Variants in DNAH11 observed in about 807,000 individuals in gnomAD.
The protein encoded by DNAH11 is axonemal beta dynein heavy chain 11.
A neutral mutation model predicts 526.0 loss-of-function variants in DNAH11; 442 were observed. The ratio of observed to expected loss-of-function variants is 0.84; its 90% CI spans 0.78 to 0.91. The LOEUF (loss-of-function observed/expected upper bound fraction) is 0.91, where lower values mean the gene tolerates loss of function less well. DNAH11 is among the 40% of genes least tolerant of loss of function. The probability of loss-of-function intolerance (pLI) is 0.00; values close to 1 mark genes in which losing one functional copy is unlikely to be tolerated. For missense variants in DNAH11, 6,989 were observed against 5,448.7 expected, an observed-to-expected ratio of 1.28 and a Z score of -8.90; for synonymous variants, 2,461 against 1,935.9, an observed-to-expected ratio of 1.27 and a Z score of -7.12.
At chr7:21,766,151 C>T (rs979873642) in intron 55 of DNAH11, among the ~76,000 whole-genome samples, 4 of 152,038 alleles carry the variant, frequency 2.6e-5, no homozygotes, top group African/African-American at 9.7e-5. Flanking sequence ...GTCATTTCTT[C>T]ATGATGACAA....
At chr7:21,758,450 A>G (rs1475215552) in intron 54 of DNAH11, among the ~76,000 whole-genome samples, 1 of 152,200 alleles carries the variant, frequency 6.6e-6, no homozygotes, top group Non-Finnish European at 1.5e-5. Flanking sequence ...ATCATTCAGC[A>G]AATATGTACT....
intron 54 of DNAH11, among the ~76,000 whole-genome samples, chr7:21,752,560 A>G (rs1786459790): frequency 6.6e-6 from 1 of 152,124 alleles, no homozygotes; most frequent in Admixed American, 6.5e-5. Flanking sequence ...CTTATGGCAC[A>G]TGTTTGTTTA....
At chr7:21,819,520 T>C (rs1474037555) in intron 65 of DNAH11, among the ~76,000 whole-genome samples, 1 of 152,200 alleles carries the variant, frequency 6.6e-6, no homozygotes, top group African/African-American at 2.4e-5. Flanking sequence ...GTTAAAAATA[T>C]AGTGTAAAAT....
chr7:21,571,375 G>A (rs1240900181), intron 7 of DNAH11, among the ~76,000 whole-genome samples: 2 of 152,114 alleles, frequency 1.3e-5, no homozygotes, highest in African/African-American at 4.8e-5. Flanking sequence ...TGACCTCCTG[G>A]ATCAAGTGAT....
rs1289254168 is a variant in DNAH11, at chr7:21,638,944, C to G, written c.4823C>G (p.Ser1608Cys). ...EKLKDLQSRL[S>C]LCEKALAEYL... ...AACATTTTTCATTCATGTAGGCTTT[C>G]TCTTTGTGAAAAAGCTCTCGCTGAA... The change falls in exon 28 of 82, where the codon TCT becomes TGT. Residue 1608 changes from serine (S) to cysteine (C), a missense_variant. By Grantham distance (112) the Ser-to-Cys change is moderately radical. Coordinates refer to ENST00000409508, the MANE Select transcript of DNAH11 (RefSeq NM_001277115.2). The G allele has an allele frequency of 1.2e-5, 19 of 1,606,314 alleles. No homozygotes were observed. The highest frequency in any genetic ancestry group is 1.6e-5 in the Non-Finnish European group (19 of 1,177,560).
In DNAH11 at chr7:21,854,445, T is replaced by C. The variant is rs979009893; in HGVS notation, c.11192T>C (p.Phe3731Ser). The part of the protein sequence containing the change: ...DLQKINPLYQ[F>S]SLKAFNVLFH... ...CAAAAAATCAACCCCCTCTACCAAT[T>C]CTCTTTGAAGGTAATGCTGAATGAG... Residue 3731 changes from phenylalanine to serine, a missense_variant, in exon 68 of 82, where the codon TTC becomes TCC. By Grantham distance (155) the Phe-to-Ser change is radical. Transcript: ENST00000409508. 3 of 1,613,544 alleles carry C rather than the reference T, an allele frequency of 1.9e-6. No individual in the cohort carries two copies. In the African/African-American group the frequency reaches 4.0e-5, roughly 22 times the overall value.
chr7:21,812,700 A>C (rs916709426), intron 63 of DNAH11, among the ~76,000 whole-genome samples: 2 of 152,054 alleles, frequency 1.3e-5, no homozygotes, highest in African/African-American at 4.8e-5. Flanking sequence ...GAGGAAAATG[A>C]ACTCTTTCCA....
At position 21,735,581 on chromosome 7, in the gene DNAH11, C is replaced by G. The variant is rs1194296379; in HGVS notation, c.7441-59C>G. 2.7e-6 allele frequency: 4 copies of G among 1,481,732 alleles called. No homozygotes were observed. In the South Asian group the frequency reaches 3.8e-5, roughly 14 times the overall value. 91.8% of individuals were successfully genotyped at this position (1,481,732 alleles called of 1,614,324 possible). ...TGATATAAAATTTTGGAATGCCTCT[C>G]TCTCGCACGCACTCTCTCTCTCTTT... On this transcript the variant is annotated intron_variant, in intron 45 of 81. Coordinates refer to ENST00000409508, the MANE Select transcript of DNAH11 (RefSeq NM_001277115.2).
intron 35 of DNAH11, among the ~76,000 whole-genome samples, chr7:21,695,363 C>G (rs761235956): frequency 6.6e-6 from 1 of 152,254 alleles, no homozygotes; most frequent in African/African-American, 2.4e-5. Context: ...GCTGCAGTAT[C>G]CAAAACAGCA....
chr7:21,897,192 CTT>C (rs1784546751), intron 79 of DNAH11, among the ~76,000 whole-genome samples: 1 of 151,982 alleles, frequency 6.6e-6, no homozygotes, highest in Admixed American at 6.6e-5. Context: ...CTGTTATTCT[CTT>C]TTCCTGAGAA....
intron 2 of DNAH11, among the ~76,000 whole-genome samples, chr7:21,556,616 G>T (rs1783226659): frequency 6.6e-6 from 1 of 152,138 alleles, no homozygotes; most frequent in African/African-American, 2.4e-5. Context: ...CAGAGAGTTT[G>T]TTACCCAGGT....
chr7:21,815,061 C>G (rs6461603), intron 63 of DNAH11, among the ~76,000 whole-genome samples: 1 of 151,862 alleles, frequency 6.6e-6, no homozygotes, highest in Non-Finnish European at 1.5e-5. Context: ...TTTATTTCCC[C>G]TACTGAGCAG....
Position 21,698,087 on chromosome 7 carries a change from G to T in DNAH11, c.6054G>T (p.Met2018Ile). 1 of 1,612,428 alleles carries T rather than the reference G, an allele frequency of 6.2e-7. No individual in the cohort carries two copies. Among genetic ancestry groups the T allele is most frequent in the Non-Finnish European group, 8.5e-7 (1 of 1,179,366 alleles). The change falls in exon 36 of 82, where the codon ATG becomes ATT. Residue 2018 changes from methionine (M) to isoleucine (I), a missense_variant. Coordinates refer to ENST00000409508, the MANE Select transcript of DNAH11 (RefSeq NM_001277115.2). Reference sequence around the variant, plus strand: ...ATTTACTTTTTAGACCCTGTGCCATGGTGGCCCCTGACATTGAGCTAATCT... The same window carrying T: ...ATTTACTTTTTAGACCCTGTGCCATTGTGGCCCCTGACATTGAGCTAATCT... ...NLKALFRPCA[M>I]VAPDIELICE...
chr7:21,840,310 T>A (rs1188817904), intron 65 of DNAH11, among the ~76,000 whole-genome samples: 1 of 152,250 alleles, frequency 6.6e-6, no homozygotes, highest in Non-Finnish European at 1.5e-5. Flanking sequence ...TGGAAGTCAA[T>A]GAGATAGGCA....
At chr7:21,647,286 G>T (rs1787397322) in intron 28 of DNAH11, among the ~76,000 whole-genome samples, 1 of 152,074 alleles carries the variant, frequency 6.6e-6, no homozygotes, top group South Asian at 2.1e-4. Context: ...AAATTGCTCA[G>T]ATTGGTCAAA....
intron 42 of DNAH11, 123 bp from the exon 43 acceptor site, chr7:21,717,652 A>G (rs1784716503): frequency 1.8e-6 from 2 of 1,113,636 alleles, no homozygotes; most frequent in Middle Eastern, 2.6e-4. Context: ...AATAGAACGA[A>G]CTCACTAAAC....
intron 54 of DNAH11, among the ~76,000 whole-genome samples, chr7:21,764,953 C>A (rs1484780579): frequency 6.6e-6 from 1 of 151,984 alleles, no homozygotes; most frequent in African/African-American, 2.4e-5. Flanking sequence ...AGATGTATTT[C>A]ATTTTAAATG....
At chr7:21,719,598 C>G (rs942587112) in intron 43 of DNAH11, among the ~76,000 whole-genome samples, 40 of 152,204 alleles carry the variant, frequency 2.6e-4, no homozygotes, top group African/African-American at 9.2e-4. Context: ...TTCTTAATAG[C>G]AAATTGGTGA....
At chr7:21,572,312 T>C (rs1187107079) in intron 8 of DNAH11, among the ~76,000 whole-genome samples, 1 of 152,232 alleles carries the variant, frequency 6.6e-6, no homozygotes, top group Non-Finnish European at 1.5e-5. Context: ...TTTTCTTGAA[T>C]CACTGGATGT....
Sources: gnomAD v4.1 joint callset for allele counts (sites outside exome capture counted in the v4.1 genomes callset) on GRCh38, gnomAD v4.1.1 for gene constraint, MANE v1.5 for transcripts, NCBI Gene and HGNC (gene_info 2026-07-23, HGNC 2026-07-21) for gene names.